Variants in ZNF629 observed in about 807,000 individuals in gnomAD.
ZNF629 encodes the protein zinc finger protein 629, also known as DNA-binding protein.
A neutral mutation model predicts 59.7 loss-of-function variants in ZNF629; 9 were observed. That is an observed-to-expected ratio of 0.15 (90% CI 0.09 to 0.26). The LOEUF is 0.26. Ranked by LOEUF, ZNF629 falls within the 10% of genes least tolerant of loss-of-function variation. The pLI is 1.00. For synonymous variants in ZNF629, 509 were observed against 498.9 expected (o/e 1.02, Z -0.27); for missense variants, 853 against 1,165.4 (o/e 0.73, Z 3.90).
rs200180312 is a variant in ZNF629, at chr16:30,781,785, C to T, written c.2543G>A (p.Gly848Glu). 6 of 1,612,492 alleles carry T rather than the reference C, an allele frequency of 3.7e-6. No individual in the cohort carries two copies. The highest frequency in any genetic ancestry group is 2.7e-5 in the African/African-American group (2 of 74,900). ...EEKPYLCPEC[G>E]AGFTEVAALL... Reference sequence around the variant, plus strand: ...GGCTGCGACTTCTGTGAAGCCGGCTCCACACTCGGGGCACAGATAGGGCTT... The same window carrying T: ...GGCTGCGACTTCTGTGAAGCCGGCTTCACACTCGGGGCACAGATAGGGCTT... Residue 848 changes from glycine to glutamate, a missense_variant, in exon 3 of 3, where the codon GGA (glycine) becomes GAA (glutamate). Physicochemically the swap from Gly to Glu is moderately conservative, Grantham distance 98. Coordinates refer to ENST00000262525, the MANE Select transcript of ZNF629 (RefSeq NM_001080417.3).
Position 30,786,630 on chromosome 16 carries a change from G to A in ZNF629, c.-34+398C>T, listed in dbSNP as rs1433322302. Among the ~76,000 whole-genome samples the A allele has an allele frequency of 3.5e-5, 3 of 86,746 alleles. No individual in the cohort carries two copies. The highest frequency in any genetic ancestry group is 7.3e-5 in the Non-Finnish European group (3 of 41,350). 56.9% of individuals were successfully genotyped at this position (86,746 alleles called of 152,430 possible). A position where few individuals can be genotyped will look rare whatever the true frequency, so the allele number is the denominator to read the frequency against. On this transcript the variant is annotated intron_variant, in intron 1 of 2. Transcript: ENST00000262525. The surrounding 1 kb of genome is among the most constrained non-coding windows in gnomAD (Gnocchi z 4.8). The stretch of plus-strand genomic sequence containing the variant: ...GGCCGCCCGGCCCGGCCCCCCCACC[G>A]CTTGGCTCCGGACTTCTGCTCCCCC...
Position 30,786,845 on chromosome 16 carries a change from C to T in ZNF629, c.-34+183G>A, listed in dbSNP as rs938157560. Among the ~76,000 whole-genome samples the T allele has an allele frequency of 1.3e-5, 2 of 151,810 alleles. No individual in the cohort carries two copies. The highest frequency in any genetic ancestry group is 4.8e-5 in the African/African-American group (2 of 41,344). ...TCCCCTCCCCCGCCACCGACCCCCG[C>T]GCTTCCCAGAATCCTCGGCCCTCCG... is the stretch of plus-strand genomic sequence containing the variant. On this transcript the variant is annotated intron_variant, in intron 1 of 2. Transcript: ENST00000262525. This position sits in a 1 kb window ranked among gnomAD's most constrained non-coding sequence, Gnocchi z 4.8.
At chr16:30,785,141 C>T (rs56038936) in intron 1 of ZNF629, among the ~76,000 whole-genome samples, 3,624 of 152,134 alleles carry the variant, frequency 0.024, 119 homozygotes, top group African/African-American at 0.085. Flanking sequence ...CTGCAGGAAC[C>T]GCCCAGAGGA....
Position 30,786,104 on chromosome 16 carries a change from A to G in ZNF629, c.-34+924T>C, listed in dbSNP as rs1020042088. 6.6e-6 allele frequency among the ~76,000 whole-genome samples: 1 copy of G among 152,078 alleles called. No individual in the cohort carries two copies. Among genetic ancestry groups the G allele is most frequent in the Non-Finnish European group, 1.5e-5 (1 of 68,002 alleles). ...GGGAGACATGGCAGGAGGCGCTGAGAGGTGACCAAGGTGAAGCAAGACTGG... is the reference window on the plus strand; with the variant it reads ...GGGAGACATGGCAGGAGGCGCTGAGGGGTGACCAAGGTGAAGCAAGACTGG... On this transcript the variant is annotated intron_variant, in intron 1 of 2. Transcript: ENST00000262525. The surrounding 1 kb of genome is among the most constrained non-coding windows in gnomAD (Gnocchi z 4.8).
In ZNF629 at chr16:30,781,696, G is replaced by A. The variant is rs765241373; in HGVS notation, c.*22C>T. 3 of 1,578,188 alleles carry A rather than the reference G, an allele frequency of 1.9e-6. No homozygotes were observed. The African/African-American group carries it at 4.1e-5, about 22-fold the overall frequency. On this transcript the variant is annotated 3_prime_UTR_variant, in exon 3 of 3. Transcript: ENST00000262525. ...AGTGTTCCTCTCTGGAGAGAGCGAG[G>A]CCCCTGGTCTCCAGACCCATTTCAC...
At position 30,783,007 on chromosome 16, in the gene ZNF629, T is replaced by C. The variant is rs746674702; in HGVS notation, c.1321A>G (p.Met441Val). ...ICADCGKSFIMSSTLIRHQRI... is the reference protein window; with the variant it reads ...ICADCGKSFIVSSTLIRHQRI... ...TGGTGGCGGATAAGGGTGGAGCTCA[T>C]GATGAAGCTCTTGCCGCAGTCGGCG... The change falls in exon 3 of 3, where the codon ATG becomes GTG. Residue 441 changes from methionine (M) to valine (V), a missense_variant. This residue lies in a region of ZNF629 where 201 missense variants were observed against 536.5 expected (regional missense o/e 0.37). Coordinates refer to ENST00000262525, the MANE Select transcript of ZNF629 (RefSeq NM_001080417.3). The C allele has an allele frequency of 2.2e-5, 35 of 1,611,620 alleles. No individual in the cohort carries two copies. Among genetic ancestry groups the C allele is most frequent in the Non-Finnish European group, 2.9e-5 (34 of 1,179,382 alleles).
chr16:30,783,224 G>GT lies in ZNF629; in HGVS notation c.1103dup (p.His368GlnfsTer88). ...GGCACTTGAACGGGTCCTCGCGCAGGTGAGTCCGCTGGTGCTTGATGAGGG... is the reference window on the plus strand; with the variant it reads ...GGCACTTGAACGGGTCCTCGCGCAGGTTGAGTCCGCTGGTGCTTGATGAGGG... On this transcript the variant is annotated frameshift_variant, in exon 3 of 3. Coordinates refer to ENST00000262525, the MANE Select transcript of ZNF629 (RefSeq NM_001080417.3). LOFTEE classifies it high-confidence loss of function. 1 of 1,613,344 alleles carries GT rather than the reference G, an allele frequency of 6.2e-7. No homozygotes were observed. Among genetic ancestry groups the GT allele is most frequent in the Non-Finnish European group, 8.5e-7 (1 of 1,179,734 alleles).
In ZNF629 at chr16:30,786,647, T is replaced by C. The variant is rs551936374; in HGVS notation, c.-34+381A>G. Among the ~76,000 whole-genome samples the C allele has an allele frequency of 2.0e-4, 29 of 146,834 alleles. No homozygotes were observed. In the East Asian group the frequency reaches 6.0e-3, roughly 30 times the overall value. ...CCCCCACCGCTTGGCTCCGGACTTC[T>C]GCTCCCCCGGAGCCGCGACCCCCGT... On this transcript the variant is annotated intron_variant, in intron 1 of 2. Coordinates refer to ENST00000262525, the MANE Select transcript of ZNF629 (RefSeq NM_001080417.3). The surrounding 1 kb of genome is among the most constrained non-coding windows in gnomAD (Gnocchi z 4.8).
In ZNF629 at chr16:30,781,682, CTG is replaced by C. The variant is rs1483567979; in HGVS notation, c.*34_*35del. ...GGGGGAAAAAATCCAGTGTTCCTCT[CTG>C]GAGAGAGCGAGGCCCCTGGTCTCCA... On this transcript the variant is annotated 3_prime_UTR_variant, in exon 3 of 3. Transcript: ENST00000262525. The C allele has an allele frequency of 6.4e-7, 1 of 1,557,416 alleles. No homozygotes were observed. The highest frequency in any genetic ancestry group is 2.0e-5 in the Admixed American group (1 of 49,326).
Position 30,780,767 on chromosome 16 carries a change from G to A in ZNF629, c.*951C>T. 1 of 152,192 alleles carries A rather than the reference G, an allele frequency of 6.6e-6. No homozygotes were observed. Among genetic ancestry groups the A allele is most frequent in the East Asian group, 1.9e-4 (1 of 5,188 alleles). The allele number at this position is 152,192 out of a possible 1,614,324, so 9.4% of individuals were successfully genotyped here. Reference sequence around the variant, plus strand: ...CTACTTGCAGTTTCGCAAGCTTCCGGAAGCAAGAAGGGGCCTGGAGTTAGC... The same window carrying A: ...CTACTTGCAGTTTCGCAAGCTTCCGAAAGCAAGAAGGGGCCTGGAGTTAGC... On this transcript the variant is annotated 3_prime_UTR_variant, in exon 3 of 3. Transcript: ENST00000262525.
In ZNF629 at chr16:30,786,229, C is replaced by T. The variant is rs1003053732; in HGVS notation, c.-34+799G>A. On this transcript the variant is annotated intron_variant, in intron 1 of 2. Transcript: ENST00000262525. The surrounding 1 kb of genome is among the most constrained non-coding windows in gnomAD (Gnocchi z 4.8). ...AGCTACTTAAGCTCCGAGAATCCCC[C>T]CTCCCCGCCTGTAAGTGTCTTTGGG... Among the ~76,000 whole-genome samples, 5 of 152,160 alleles carry T rather than the reference C, an allele frequency of 3.3e-5. No individual in the cohort carries two copies. Among genetic ancestry groups the T allele is most frequent in the Admixed American group, 6.5e-5 (1 of 15,284 alleles).
At chr16:30,785,901 C>T (rs2054327983) in intron 1 of ZNF629, among the ~76,000 whole-genome samples, 1 of 51,206 alleles carries the variant, frequency 2.0e-5, no homozygotes, top group South Asian at 5.5e-4. Flanking sequence ...TAAAAACAGC[C>T]AGCTGTCACT....
chr16:30,783,140 G>A lies in ZNF629; in HGVS notation c.1188C>T (p.His396=), dbSNP rs766094408. The change falls in exon 3 of 3, where the codon CAC becomes CAT. Residue 396 remains histidine, a synonymous_variant. Transcript: ENST00000262525. Reference sequence around the variant, plus strand: ...GGCACTTGTAGGGCCGCTCGCCCGTGTGCGTGCGCTGGTGCCGCAGCAACG... The same window carrying A: ...GGCACTTGTAGGGCCGCTCGCCCGTATGCGTGCGCTGGTGCCGCAGCAACG... ...SATLLRHQRT[H]TGERPYKCPE... 5.6e-6 allele frequency: 9 copies of A among 1,613,922 alleles called. No individual in the cohort carries two copies. In the East Asian group the frequency reaches 2.0e-4, roughly 36 times the overall value.
rs770508448 is a variant in ZNF629 at position 30,782,430 on chromosome 16, C to T, written c.1898G>A (p.Arg633Lys). Residue 633 changes from arginine to lysine, a missense_variant, in exon 3 of 3, where the codon AGA (arginine) becomes AAA (lysine). Physicochemically the swap from Arg to Lys is conservative, Grantham distance 26. Around this residue, in one of 3 missense-constraint regions of ZNF629, gnomAD observed 420 missense variants for 435.6 expected, o/e 0.96. Coordinates refer to ENST00000262525, the MANE Select transcript of ZNF629 (RefSeq NM_001080417.3). ...GNSYPGAAEG[R>K]AEAPGQPLKP... Reference sequence around the variant, plus strand: ...AAGGGGCTGTCCGGGGGCCTCCGCTCTGCCCTCCGCAGCCCCGGGGTAGGA... The same window carrying T: ...AAGGGGCTGTCCGGGGGCCTCCGCTTTGCCCTCCGCAGCCCCGGGGTAGGA... The T allele has an allele frequency of 1.3e-6, 2 of 1,566,102 alleles. No homozygotes were observed. The highest frequency in any genetic ancestry group is 1.7e-6 in the Non-Finnish European group (2 of 1,155,064).
At position 30,781,559 on chromosome 16, in the gene ZNF629, A is replaced by G; in HGVS notation, c.*159T>C. 1 of 632,654 alleles carries G rather than the reference A, an allele frequency of 1.6e-6. No homozygotes were observed. Among genetic ancestry groups the G allele is most frequent in the Admixed American group, 3.9e-5 (1 of 25,594 alleles). 39.2% of individuals were successfully genotyped at this position (632,654 alleles called of 1,614,324 possible). A position where few individuals can be genotyped will look rare whatever the true frequency, so the allele number is the denominator to read the frequency against. ...CACCAACAATTTTATAGGGTTTCTC[A>G]TCACTGATGTAAAAGCACTATTTTT... On this transcript the variant is annotated 3_prime_UTR_variant, in exon 3 of 3. Transcript: ENST00000262525.
Position 30,781,447 on chromosome 16 carries a change from TAC to T in ZNF629, c.*269_*270del. Reference sequence around the variant, plus strand: ...ACTATGGTTTATAGGGTTTTTCTGCTACAGACTTAAAGGGCTTTTTTTTTTCC... The same window carrying T: ...ACTATGGTTTATAGGGTTTTTCTGCTAGACTTAAAGGGCTTTTTTTTTTCC... On this transcript the variant is annotated 3_prime_UTR_variant, in exon 3 of 3. Coordinates refer to ENST00000262525, the MANE Select transcript of ZNF629 (RefSeq NM_001080417.3). The T allele has an allele frequency of 3.1e-6, 1 of 320,258 alleles. No individual in the cohort carries two copies. The highest frequency in any genetic ancestry group is 5.7e-6 in the Non-Finnish European group (1 of 176,666). The allele number at this position is 320,258 out of a possible 1,614,324, so 19.8% of individuals were successfully genotyped here. A position where few individuals can be genotyped will look rare whatever the true frequency, so the allele number is the denominator to read the frequency against.
Position 30,782,980 on chromosome 16 carries a change from G to A in ZNF629, c.1348C>T (p.Arg450Cys). 1.2e-6 allele frequency: 2 copies of A among 1,614,018 alleles called. No individual in the cohort carries two copies. Among genetic ancestry groups the A allele is most frequent in the East Asian group, 2.2e-5 (1 of 44,856 alleles). ...TAGGGCTTCTCACCGGTGTGGATGC[G>A]CTGGTGGCGGATAAGGGTGGAGCTC... Reference protein sequence around the residue: ...IMSSTLIRHQRIHTGEKPYKC... With the variant: ...IMSSTLIRHQCIHTGEKPYKC... Residue 450 changes from arginine to cysteine, a missense_variant, in exon 3 of 3, where the codon CGC becomes TGC. Physicochemically the swap from Arg to Cys is radical, Grantham distance 180. Coordinates refer to ENST00000262525, the MANE Select transcript of ZNF629 (RefSeq NM_001080417.3).
Position 30,779,698 on chromosome 16 carries a change from G to A in ZNF629, c.*2020C>T, listed in dbSNP as rs1480717513. 1.3e-5 allele frequency: 2 copies of A among 152,188 alleles called. No individual in the cohort carries two copies. The highest frequency in any genetic ancestry group is 2.4e-5 in the African/African-American group (1 of 41,424). The allele number at this position is 152,188 out of a possible 1,614,324, so 9.4% of individuals were successfully genotyped here. ...GCTGGGGCCAGGATAGACAAATGGCGAAGGATTTGCATAAAGGTTGTGTGA... is the reference window on the plus strand; with the variant it reads ...GCTGGGGCCAGGATAGACAAATGGCAAAGGATTTGCATAAAGGTTGTGTGA... On this transcript the variant is annotated 3_prime_UTR_variant, in exon 3 of 3. Transcript: ENST00000262525.
rs1259534267 is a variant in ZNF629 at position 30,783,605 on chromosome 16, T to C, written c.723A>G (p.Lys241=). The C allele has an allele frequency of 6.3e-7, 1 of 1,597,524 alleles. No individual in the cohort carries two copies. Among genetic ancestry groups the C allele is most frequent in the South Asian group, 1.1e-5 (1 of 89,588 alleles). Residue 241 remains lysine, a synonymous_variant, in exon 3 of 3, where the codon AAA becomes AAG. Coordinates refer to ENST00000262525, the MANE Select transcript of ZNF629 (RefSeq NM_001080417.3). The part of the protein sequence containing the change: ...EKPYKCTECE[K]AFTQSTNLIK... ...TGAGGTTGGTGCTCTGGGTGAAGGC[T>C]TTCTCGCACTCCGTGCACTTGTAGG...
Sources: allele counts gnomAD v4.1 joint callset (sites outside exome capture counted in the v4.1 genomes callset), GRCh38; gene constraint gnomAD v4.1.1; regional missense constraint gnomAD v4.1.1; non-coding constraint Gnocchi (gnomAD v3.1); transcripts MANE v1.5; gene names NCBI Gene and HGNC (gene_info 2026-07-23, HGNC 2026-07-21).